MAP3K13: variants seen among roughly 807,000 people sequenced by gnomAD.
MAP3K13 encodes mitogen-activated protein kinase kinase kinase 13, also known as leucine zipper-bearing kinase.
A neutral mutation model predicts 104.0 loss-of-function variants in MAP3K13; 52 were observed. The ratio of observed to expected loss-of-function variants is 0.50; its 90% CI spans 0.40 to 0.63. The LOEUF (loss-of-function observed/expected upper bound fraction) is 0.63. MAP3K13 is among the 20% of genes least tolerant of loss of function. The probability of loss-of-function intolerance (pLI) is 0.00; values close to 1 mark genes in which losing one functional copy is unlikely to be tolerated. For synonymous variants in MAP3K13, 394 were observed against 442.2 expected (o/e 0.89, Z 1.37); for missense variants, 914 against 1,218.5 (o/e 0.75, Z 3.72).
At chr3:185,409,431 C>T (rs904915302) in intron 1 of MAP3K13, among the ~76,000 whole-genome samples, 2 of 152,060 alleles carry the variant, frequency 1.3e-5, no homozygotes, top group Non-Finnish European at 2.9e-5. Context: ...ATCAAAACCA[C>T]AATGAGATAT....
chr3:185,378,405 A>G (rs1454109183), intron 1 of MAP3K13, among the ~76,000 whole-genome samples: 1 of 152,180 alleles, frequency 6.6e-6, no homozygotes, highest in Non-Finnish European at 1.5e-5. Flanking sequence ...TGGGATAAAG[A>G]AAAAAGAGCA....
chr3:185,294,564 C>G (rs1560036628), intron 2 of MAP3K13, among the ~76,000 whole-genome samples: 2 of 152,182 alleles, frequency 1.3e-5, no homozygotes, highest in African/African-American at 4.8e-5. Flanking sequence ...CCTGAACAGC[C>G]ATGGCCAAAC....
chr3:185,441,530 C>CT (rs1715320300), intron 3 of MAP3K13, among the ~76,000 whole-genome samples: 1 of 152,084 alleles, frequency 6.6e-6, no homozygotes, highest in African/African-American at 2.4e-5. Context: ...AGAGAAAGAT[C>CT]TTTTTGGATT....
chr3:185,380,959 G>GTT (rs542853065), intron 1 of MAP3K13, among the ~76,000 whole-genome samples: 1 of 113,580 alleles, frequency 8.8e-6, no homozygotes, highest in East Asian at 2.2e-4. Flanking sequence ...TTTTTTTTTT[G>GTT]TTTTTTTTTG....
At chr3:185,373,025 A>G (rs563171271) in intron 1 of MAP3K13, among the ~76,000 whole-genome samples, 4 of 152,290 alleles carry the variant, frequency 2.6e-5, no homozygotes, top group Non-Finnish European at 5.9e-5. Context: ...AATTCTTTAC[A>G]TTGACAAATA....
rs1722725183 is a variant in MAP3K13 at position 185,341,591 on chromosome 3, A to C, written c.-86+55948A>C. ...TGTTAAGCCTGTGGTAGTGATTTTA[A>C]GGCATGTCTAAATTTTCTTTTTTAT... is the stretch of plus-strand genomic sequence containing the variant. On this transcript the variant is annotated intron_variant, in intron 2 of 14. Transcript: ENST00000424227. Among the ~76,000 whole-genome samples the C allele has an allele frequency of 3.3e-5, 5 of 152,328 alleles. No homozygotes were observed. The South Asian group carries it at 1.0e-3, about 32-fold the overall frequency.
intron 2 of MAP3K13, among the ~76,000 whole-genome samples, chr3:185,430,933 C>A (rs1714707951): frequency 6.6e-6 from 1 of 152,140 alleles, no homozygotes. Flanking sequence ...ACCCACAGTT[C>A]AGCAGGCTTA....
rs1033465498 is a variant in MAP3K13 at position 185,363,425 on chromosome 3, C to T, written c.-86+57C>T. 4 of 855,800 alleles carry T rather than the reference C, an allele frequency of 4.7e-6. No individual in the cohort carries two copies. The African/African-American group carries it at 5.5e-5, about 12-fold the overall frequency. The allele number at this position is 855,800 out of a possible 1,614,324, so 53.0% of individuals were successfully genotyped here. ...TCAGTATTTATTTCACAAGGACAGA[C>T]AGAGAATGTGTGATTTGAGGTGATT... On this transcript the variant is annotated intron_variant, in intron 1 of 13. Transcript: ENST00000265026.
At chr3:185,402,805 A>G (rs780082292) in intron 1 of MAP3K13, among the ~76,000 whole-genome samples, 58 of 152,146 alleles carry the variant, frequency 3.8e-4, no homozygotes, top group Non-Finnish European at 7.5e-4. Flanking sequence ...CAGAGATTAG[A>G]TTTGTCTCTC....
intron 4 of MAP3K13, among the ~76,000 whole-genome samples, chr3:185,446,735 C>T (rs186006062): frequency 6.6e-6 from 1 of 152,110 alleles, no homozygotes; most frequent in Non-Finnish European, 1.5e-5. Flanking sequence ...GTAATGAATC[C>T]CAAACATCAT....
At chr3:185,458,675 CT>C (rs1469595831) in intron 7 of MAP3K13, among the ~76,000 whole-genome samples, 1 of 152,180 alleles carries the variant, frequency 6.6e-6, no homozygotes, top group Admixed American at 6.5e-5. Context: ...TTGCCTCCTC[CT>C]GCCTGCTAAG....
At chr3:185,455,777 TATATATGAGATATATATATGAG>T (rs1560120798) in intron 7 of MAP3K13, among the ~76,000 whole-genome samples, 3 of 118,296 alleles carry the variant, frequency 2.5e-5, no homozygotes, top group Non-Finnish European at 5.0e-5. Context: ...ATATATGATA[TATATATGAGATATATATATGAG>T]ATATATGAGA....
rs892820219 is a variant in MAP3K13 at position 185,484,511 on chromosome 3, G to C, written c.*2055G>C. The C allele has an allele frequency of 2.6e-5, 4 of 152,150 alleles. No individual in the cohort carries two copies. The highest frequency in any genetic ancestry group is 6.5e-5 in the Admixed American group (1 of 15,274). The allele number at this position is 152,150 out of a possible 1,614,324, so 9.4% of individuals were successfully genotyped here. On this transcript the variant is annotated 3_prime_UTR_variant, in exon 14 of 14. Transcript: ENST00000265026. The stretch of plus-strand genomic sequence containing the variant: ...TTCCAATGCACATGAAAATGTTGCC[G>C]CTCCTCTGGGTTTTACTGATTGCAT...
At chr3:185,380,519 A>C (rs948150660) in intron 1 of MAP3K13, among the ~76,000 whole-genome samples, 2 of 151,780 alleles carry the variant, frequency 1.3e-5, no homozygotes, top group African/African-American at 4.8e-5. Context: ...CAAAAAAAAA[A>C]AAAAAAAAAG....
chr3:185,390,845 T>C (rs1305838242), intron 1 of MAP3K13, among the ~76,000 whole-genome samples: 1 of 151,900 alleles, frequency 6.6e-6, no homozygotes, highest in East Asian at 1.9e-4. Context: ...ATGGTCTCGA[T>C]CTTTTGACCT....
At chr3:185,343,806 T>C (rs892206318) in intron 2 of MAP3K13, among the ~76,000 whole-genome samples, 1 of 152,124 alleles carries the variant, frequency 6.6e-6, no homozygotes, top group Non-Finnish European at 1.5e-5. Flanking sequence ...GTAAAAGATA[T>C]ACATGATCCC....
In MAP3K13 at chr3:185,450,641, A is replaced by G. The variant is rs997017889; in HGVS notation, c.1169+583A>G. Among the ~76,000 whole-genome samples, 2 of 151,876 alleles carry G rather than the reference A, an allele frequency of 1.3e-5. No individual in the cohort carries two copies. Among genetic ancestry groups the G allele is most frequent in the South Asian group, 2.1e-4 (1 of 4,816 alleles). On this transcript the variant is annotated intron_variant, in intron 6 of 13. Transcript: ENST00000265026. This position sits in a 1 kb window ranked among gnomAD's most constrained non-coding sequence, Gnocchi z 4.2. Reference sequence around the variant, plus strand: ...AAATAAAATAAAATATAAATAAAAAACTGTACTGCAGGGCCAGGCATGGTG... The same window carrying G: ...AAATAAAATAAAATATAAATAAAAAGCTGTACTGCAGGGCCAGGCATGGTG...
intron 1 of MAP3K13, among the ~76,000 whole-genome samples, chr3:185,377,414 G>A (rs995745769): frequency 6.6e-6 from 1 of 152,122 alleles, no homozygotes; most frequent in Non-Finnish European, 1.5e-5. Flanking sequence ...ACAAGGAGAG[G>A]ATGTGAAGGA....
intron 2 of MAP3K13, among the ~76,000 whole-genome samples, chr3:185,435,692 A>G (rs1053750977): frequency 6.6e-6 from 1 of 152,182 alleles, no homozygotes; most frequent in Non-Finnish European, 1.5e-5. Context: ...CTCATTTTAT[A>G]TACTTTTTGC....
Sources: allele counts gnomAD v4.1 joint callset (sites outside exome capture counted in the v4.1 genomes callset), GRCh38; gene constraint gnomAD v4.1.1; non-coding constraint Gnocchi (gnomAD v3.1); transcripts MANE v1.5; gene names NCBI Gene and HGNC (gene_info 2026-07-23, HGNC 2026-07-21).